The following LIN52 variants were observed in gnomAD, a reference collection of about 807,000 sequenced individuals.
The protein encoded by LIN52 is protein lin-52 homolog.
A neutral mutation model predicts 18.5 loss-of-function variants in LIN52; 4 were observed. The observed-to-expected ratio is 0.22, with a 90% CI of 0.11 to 0.49. The LOEUF (loss-of-function observed/expected upper bound fraction) is 0.49. Among genes scored for constraint, LIN52 ranks in the 20% least tolerant of loss-of-function variants. LIN52 has a pLI of 0.97. For synonymous variants in LIN52, 34 were observed against 45.5 expected, an observed-to-expected ratio of 0.75 and a Z score of 1.02; for missense variants, 102 against 139.5, an observed-to-expected ratio of 0.73 and a Z score of 1.35.
intron 5 of LIN52, among the ~76,000 whole-genome samples, chr14:74,119,720 T>C (rs2060987698): frequency 6.6e-6 from 1 of 152,226 alleles, no homozygotes; most frequent in Non-Finnish European, 1.5e-5. Context: ...TAATGACTAA[T>C]GAGGTTGAGC....
intron 5 of LIN52, among the ~76,000 whole-genome samples, chr14:74,175,847 G>A (rs1218238944): frequency 2.0e-5 from 3 of 151,460 alleles, no homozygotes; most frequent in Admixed American, 2.0e-4. Context: ...AGGTGCAGTG[G>A]CTCATGCCTG....
chr14:74,129,508 A>C (rs1195200111), intron 5 of LIN52, among the ~76,000 whole-genome samples: 1 of 152,136 alleles, frequency 6.6e-6, no homozygotes, highest in Non-Finnish European at 1.5e-5. Flanking sequence ...AGTTGGTGGG[A>C]AGATGAAGAG....
rs950901348 is a variant in LIN52 at position 74,200,855 on chromosome 14, A to G, written c.*1878A>G. On this transcript the variant is annotated 3_prime_UTR_variant, in exon 6 of 6. Transcript: ENST00000555028. ...CATGTGGCCAAAAAATAGTGCCATA[A>G]TGTCAAATTCTTCCTTTGCTCTGTT... is the stretch of plus-strand genomic sequence containing the variant. The G allele has an allele frequency of 6.6e-6, 1 of 152,130 alleles. No homozygotes were observed. Among genetic ancestry groups the G allele is most frequent in the African/African-American group, 2.4e-5 (1 of 41,416 alleles). 9.4% of individuals were successfully genotyped at this position (152,130 alleles called of 1,614,324 possible).
intron 5 of LIN52, among the ~76,000 whole-genome samples, chr14:74,129,320 TATAA>T (rs1230013223): frequency 6.6e-6 from 1 of 152,152 alleles, no homozygotes; most frequent in Non-Finnish European, 1.5e-5. Flanking sequence ...GTTAATCAAA[TATAA>T]GTAAGGTTTC....
chr14:74,185,580 TG>T (rs1191816205), intron 5 of LIN52, among the ~76,000 whole-genome samples: 2 of 152,152 alleles, frequency 1.3e-5, no homozygotes, highest in Non-Finnish European at 2.9e-5. Flanking sequence ...CCGAAAGTGC[TG>T]GGATTACAGG....
At chr14:74,114,351 T>C in intron 5 of LIN52, 1 of 985,356 alleles carries the variant, frequency 1.0e-6, no homozygotes, top group African/African-American at 1.7e-5. Context: ...TAGAGTAGGA[T>C]GGTAGAGAGA....
intron 4 of LIN52, among the ~76,000 whole-genome samples, chr14:74,098,851 A>C (rs2060833837): frequency 6.6e-6 from 1 of 152,066 alleles, no homozygotes; most frequent in Non-Finnish European, 1.5e-5. Context: ...CCCCGCGTAA[A>C]CTCTGCTTTT....
chr14:74,114,353 G>A, intron 5 of LIN52: 1 of 985,520 alleles, frequency 1.0e-6, no homozygotes, highest in African/African-American at 1.7e-5. Context: ...GAGTAGGATG[G>A]TAGAGAGAGG....
chr14:74,099,698 T>TG (rs1423349923), intron 4 of LIN52, among the ~76,000 whole-genome samples: 6 of 151,726 alleles, frequency 4.0e-5, no homozygotes, highest in African/African-American at 1.5e-4. Context: ...TTTGGTGGGT[T>TG]GGGGGGACAG....
At chr14:74,109,694 T>C (rs538124072) in intron 5 of LIN52, among the ~76,000 whole-genome samples, 1 of 152,350 alleles carries the variant, frequency 6.6e-6, no homozygotes, top group African/African-American at 2.4e-5. Flanking sequence ...TCCTAAGTAC[T>C]TTATTCTTTT....
intron 5 of LIN52, among the ~76,000 whole-genome samples, chr14:74,119,133 T>G (rs2060981748): frequency 2.0e-5 from 3 of 151,598 alleles, no homozygotes; most frequent in Non-Finnish European, 2.9e-5. Context: ...TTGATATATA[T>G]CTTTTTTTGG....
At chr14:74,195,805 G>T (rs899216242) in intron 5 of LIN52, among the ~76,000 whole-genome samples, 2 of 152,190 alleles carry the variant, frequency 1.3e-5, no homozygotes, top group African/African-American at 4.8e-5. Flanking sequence ...ACTGTAGCAG[G>T]TCGGTAAGAA....
intron 5 of LIN52, among the ~76,000 whole-genome samples, chr14:74,158,482 G>T (rs143478335): frequency 4.1e-5 from 2 of 48,492 alleles, no homozygotes; most frequent in Non-Finnish European, 6.5e-5. Context: ...TTACTTGTTT[G>T]TTTATTTATT....
chr14:74,094,131 A>G (rs2060791985), intron 2 of LIN52, among the ~76,000 whole-genome samples: 1 of 152,216 alleles, frequency 6.6e-6, no homozygotes, highest in Non-Finnish European at 1.5e-5. Context: ...CTTACTCCAC[A>G]TGTGAACAGT....
At chr14:74,140,707 G>A (rs2061125549) in intron 5 of LIN52, among the ~76,000 whole-genome samples, 1 of 152,216 alleles carries the variant, frequency 6.6e-6, no homozygotes, top group Non-Finnish European at 1.5e-5. Flanking sequence ...GTTCTGCTTT[G>A]CCTAATGAAT....
chr14:74,101,808 A>T (rs561142883), intron 5 of LIN52, among the ~76,000 whole-genome samples: 1 of 151,980 alleles, frequency 6.6e-6, no homozygotes, highest in African/African-American at 2.4e-5. Flanking sequence ...TCAGGTTATT[A>T]TCTCATTTTT....
At chr14:74,107,075 GTC>G (rs770659569) in intron 5 of LIN52, among the ~76,000 whole-genome samples, 26 of 152,208 alleles carry the variant, frequency 1.7e-4, no homozygotes, top group Non-Finnish European at 2.8e-4. Flanking sequence ...CACATGCACT[GTC>G]TCTGTCTGAA....
At chr14:74,170,139 A>G (rs1242760968) in intron 5 of LIN52, among the ~76,000 whole-genome samples, 1 of 152,228 alleles carries the variant, frequency 6.6e-6, no homozygotes, top group African/African-American at 2.4e-5. Context: ...GTTCCTGTGT[A>G]GCAGGAGCAT....
At chr14:74,186,336 GA>G (rs557411541) in intron 5 of LIN52, among the ~76,000 whole-genome samples, 210 of 152,066 alleles carry the variant, frequency 1.4e-3, no homozygotes, top group African/African-American at 3.9e-3. Flanking sequence ...AAAGGAAATA[GA>G]GTTCCTCTTT....
Sources: gnomAD v4.1 joint callset for allele counts (sites outside exome capture counted in the v4.1 genomes callset) on GRCh38, gnomAD v4.1.1 for gene constraint, MANE v1.5 for transcripts, NCBI Gene and HGNC (gene_info 2026-07-23, HGNC 2026-07-21) for gene names.